WDR43: variants seen among roughly 807,000 people sequenced by gnomAD.
The protein encoded by WDR43 is WD repeat-containing protein 43.
WDR43 carries 13 observed loss-of-function variants against 91.4 expected under a neutral mutation model. That is an observed-to-expected ratio of 0.14 (90% CI 0.09 to 0.23). The LOEUF (loss-of-function observed/expected upper bound fraction) is 0.23, where lower values mean the gene tolerates loss of function less well. Among genes scored for constraint, WDR43 ranks in the 10% least tolerant of loss-of-function variants. The probability of loss-of-function intolerance (pLI) is 1.00; values close to 1 mark genes in which losing one functional copy is unlikely to be tolerated. For synonymous variants in WDR43, 331 were observed against 287.9 expected (o/e 1.15, Z -1.51); for missense variants, 780 against 809.4 (o/e 0.96, Z 0.44).
At chr2:28,927,353 T>C in intron 9 of WDR43, 2 of 572,670 alleles carry the variant, frequency 3.5e-6, no homozygotes, top group South Asian at 4.2e-5. Context: ...ATTTTACTCT[T>C]ATGTGGTATT....
Position 28,917,788 on chromosome 2 carries a change from A to T in WDR43, c.747-105A>T, listed in dbSNP as rs1345887841. ...CTAGTTTTCAAAAGATGACAAAGCT[A>T]TTGGGAATCTCATGTGCTGATCTCC... On this transcript the variant is annotated intron_variant, in intron 5 of 17. Transcript: ENST00000407426. 6 of 945,864 alleles carry T rather than the reference A, an allele frequency of 6.3e-6. No individual in the cohort carries two copies. The South Asian group carries it at 9.4e-5, about 15-fold the overall frequency. The allele number at this position is 945,864 out of a possible 1,614,324, so 58.6% of individuals were successfully genotyped here. A position where few individuals can be genotyped will look rare whatever the true frequency, so the allele number is the denominator to read the frequency against.
intron 3 of WDR43, among the ~76,000 whole-genome samples, chr2:28,908,988 A>G (rs962015754): frequency 6.6e-6 from 1 of 151,722 alleles, no homozygotes; most frequent in Admixed American, 6.6e-5. Context: ...CTTGGTTTTC[A>G]TTTCATTAGT....
chr2:28,933,819 C>G (rs532283811), intron 11 of WDR43, among the ~76,000 whole-genome samples: 1 of 152,200 alleles, frequency 6.6e-6, no homozygotes, highest in Admixed American at 6.5e-5. Flanking sequence ...GATAAAAATG[C>G]GAAAGACAGA....
chr2:28,912,717 G>A lies in WDR43; in HGVS notation c.606+7G>A, dbSNP rs755930442. 1.7e-5 allele frequency: 27 copies of A among 1,610,082 alleles called. No individual in the cohort carries two copies. Among genetic ancestry groups the A allele is most frequent in the East Asian group, 2.2e-5 (1 of 44,860 alleles). On this transcript the variant is annotated splice_region_variant and intron_variant, in intron 4 of 17. Coordinates refer to ENST00000407426, the MANE Select transcript of WDR43 (RefSeq NM_015131.3). Reference sequence around the variant, plus strand: ...GACCAAAGAAGTCTACAGGGTGAGCGAATCAAATTATTTGTAAGCATAAAA... The same window carrying A: ...GACCAAAGAAGTCTACAGGGTGAGCAAATCAAATTATTTGTAAGCATAAAA...
At chr2:28,927,362 T>C in intron 9 of WDR43, 1 of 602,526 alleles carries the variant, frequency 1.7e-6, no homozygotes, top group Non-Finnish European at 2.8e-6. Context: ...TTATGTGGTA[T>C]TGTAAGCTTT....
intron 3 of WDR43, among the ~76,000 whole-genome samples, chr2:28,906,838 T>C (rs551808286): frequency 6.6e-6 from 1 of 152,202 alleles, no homozygotes; most frequent in South Asian, 2.1e-4. Flanking sequence ...TACAGTAGTG[T>C]TGGGAAGGCC....
At chr2:28,932,730 C>G (rs2148195325) in intron 11 of WDR43, among the ~76,000 whole-genome samples, 1 of 152,236 alleles carries the variant, frequency 6.6e-6, no homozygotes, top group East Asian at 1.9e-4. Flanking sequence ...TCATAGAAAA[C>G]CTGACATTAA....
intron 14 of WDR43, among the ~76,000 whole-genome samples, chr2:28,938,559 A>G (rs1179130751): frequency 6.6e-6 from 1 of 152,236 alleles, no homozygotes; most frequent in African/African-American, 2.4e-5. Context: ...TAAGCTGGAA[A>G]TAAAAGTATT....
intron 1 of WDR43, among the ~76,000 whole-genome samples, chr2:28,896,394 A>G (rs983355385): frequency 6.6e-6 from 1 of 152,220 alleles, no homozygotes; most frequent in African/African-American, 2.4e-5. Context: ...TAATGCAGAG[A>G]ACACTTAGAA....
intron 2 of WDR43, among the ~76,000 whole-genome samples, chr2:28,905,477 A>G (rs1670662001): frequency 6.6e-6 from 1 of 152,158 alleles, no homozygotes; most frequent in Non-Finnish European, 1.5e-5. Flanking sequence ...AGTAACAGTG[A>G]TTTTTGTTTT....
At chr2:28,946,579 C>A in intron 17 of WDR43, 21 bp from the exon 18 acceptor site, 1 of 1,569,478 alleles carries the variant, frequency 6.4e-7, no homozygotes, top group Non-Finnish European at 8.7e-7. Context: ...TGAATGCTTT[C>A]CTTGTTGGTA....
Position 28,925,014 on chromosome 2 carries a change from C to A in WDR43, c.947C>A (p.Thr316Lys). Residue 316 changes from threonine to lysine, a missense_variant, in exon 8 of 18, where the codon ACA (threonine) becomes AAA (lysine). Physicochemically the swap from Thr to Lys is moderately conservative, Grantham distance 78. This residue lies in a region of WDR43 where 426 missense variants were observed against 467.8 expected (regional missense o/e 0.91). Transcript: ENST00000407426. ...AAAAAGCCTTTGACTTCAAACTGCA[C>A]AATTCAGATAGCAACACCTGGGAAA... is the stretch of plus-strand genomic sequence containing the variant. Reference protein sequence around the residue: ...YCKKPLTSNCTIQIATPGKGK... With the variant: ...YCKKPLTSNCKIQIATPGKGK... 6.2e-7 allele frequency: 1 copy of A among 1,613,454 alleles called. No individual in the cohort carries two copies. The highest frequency in any genetic ancestry group is 1.3e-5 in the African/African-American group (1 of 74,994).
intron 6 of WDR43, among the ~76,000 whole-genome samples, chr2:28,918,737 G>T: frequency 6.6e-6 from 1 of 152,128 alleles, no homozygotes; most frequent in East Asian, 1.9e-4. Context: ...AATTTTTCAT[G>T]TAAAAATTAG....
chr2:28,932,493 T>G (rs1013384928), intron 11 of WDR43, among the ~76,000 whole-genome samples: 14 of 152,176 alleles, frequency 9.2e-5, no homozygotes, highest in Admixed American at 5.9e-4. Flanking sequence ...AAGAAAAGAA[T>G]GGATGTTCTT....
chr2:28,914,785 C>A (rs1048397938), intron 5 of WDR43, among the ~76,000 whole-genome samples: 10 of 151,982 alleles, frequency 6.6e-5, no homozygotes, highest in African/African-American at 2.2e-4. Context: ...AAAAATTAGC[C>A]GGGCATGGTG....
chr2:28,938,218 C>T (rs768780129), intron 14 of WDR43, among the ~76,000 whole-genome samples: 26 of 152,090 alleles, frequency 1.7e-4, no homozygotes, highest in Non-Finnish European at 2.6e-4. Flanking sequence ...CTCTGCCCCC[C>T]GGATGTAAAA....
Position 28,894,681 on chromosome 2 carries a change from A to T in WDR43, c.-18A>T, listed in dbSNP as rs756285996. On this transcript the variant is annotated 5_prime_UTR_variant, in exon 1 of 18. Transcript: ENST00000407426. ...TGCGCACGGACGAACACGTGGCTGC[A>T]GCGGGGCCAGAGCAGCAATGGCGGC... is the stretch of plus-strand genomic sequence containing the variant. 6.5e-7 allele frequency: 1 copy of T among 1,542,958 alleles called. No homozygotes were observed. The highest frequency in any genetic ancestry group is 1.4e-5 in the African/African-American group (1 of 72,988).
In WDR43 at chr2:28,929,666, C is replaced by T. The variant is rs371667538; in HGVS notation, c.1393C>T (p.Leu465Phe). 3 of 1,613,626 alleles carry T rather than the reference C, an allele frequency of 1.9e-6. No individual in the cohort carries two copies. In the African/African-American group the frequency reaches 4.0e-5, roughly 22 times the overall value. The change falls in exon 11 of 18, where the codon CTT becomes TTT. Residue 465 changes from leucine to phenylalanine, a missense_variant. Leu to Phe is a conservative substitution (Grantham distance 22, BLOSUM62 0). Transcript: ENST00000407426. ...CCTCCAGACGAATAGCTTTCCAGTT[C>T]TTCTTACCCAGGGCTTAGAAAGTAA... is the stretch of plus-strand genomic sequence containing the variant. ...EDLQTNSFPV[L>F]LTQGLESNDF...
intron 6 of WDR43, 102 bp from the exon 7 acceptor site, chr2:28,922,816 TG>T: frequency 6.7e-6 from 3 of 447,232 alleles, no homozygotes; most frequent in South Asian, 7.0e-5. Context: ...TTTTTTTTTC[TG>T]GTTGTGTAAT....
Sources: allele counts gnomAD v4.1 joint callset (sites outside exome capture counted in the v4.1 genomes callset), GRCh38; gene constraint gnomAD v4.1.1; regional missense constraint gnomAD v4.1.1; transcripts MANE v1.5; gene names NCBI Gene and HGNC (gene_info 2026-07-23, HGNC 2026-07-21).